Variants in MICU2 observed in about 807,000 individuals in gnomAD.
MICU2 encodes calcium uptake protein 2, mitochondrial.
A neutral mutation model predicts 60.4 loss-of-function variants in MICU2; 64 were observed. That is an observed-to-expected ratio of 1.06 (90% CI 0.87 to 1.31). The LOEUF (loss-of-function observed/expected upper bound fraction) is 1.31. Among genes scored for constraint, MICU2 ranks in the 50% most tolerant of loss-of-function variants. The pLI, the probability that MICU2 is intolerant of heterozygous loss-of-function variation, is 0.00. For synonymous variants in MICU2, 201 were observed against 175.0 expected, an observed-to-expected ratio of 1.15 and a Z score of -1.17; for missense variants, 569 against 531.0, an observed-to-expected ratio of 1.07 and a Z score of -0.70.
intron 1 of MICU2, chr13:21,603,716 G>C: frequency 1.7e-6 from 1 of 573,392 alleles, no homozygotes; most frequent in South Asian, 2.1e-5. Context: ...TCTCCCAAGG[G>C]AGGCAGAATC....
At chr13:21,498,872 A>G (rs116173757) in intron 9 of MICU2, among the ~76,000 whole-genome samples, 1,681 of 152,132 alleles carry the variant, frequency 0.011, 30 homozygotes, top group African/African-American at 0.039. Context: ...GGCTGCTTCT[A>G]TCATGACCTC....
intron 2 of MICU2, among the ~76,000 whole-genome samples, chr13:21,548,833 A>G (rs1040455844): frequency 6.7e-6 from 1 of 149,496 alleles, no homozygotes; most frequent in Non-Finnish European, 1.5e-5. Flanking sequence ...AGAAGGTGGG[A>G]GGGTTATACA....
intron 9 of MICU2, 80 bp downstream of exon 9, chr13:21,502,846 A>G (rs574636830): frequency 2.9e-5 from 39 of 1,338,852 alleles, no homozygotes; most frequent in Non-Finnish European, 3.9e-5. Context: ...AGTCTTGGTT[A>G]ATTCAGAAGT....
At chr13:21,591,302 AG>A (rs756973258) in intron 1 of MICU2, among the ~76,000 whole-genome samples, 13 of 152,346 alleles carry the variant, frequency 8.5e-5, no homozygotes, top group Non-Finnish European at 1.5e-4. Context: ...ATAATGGTCA[AG>A]GGAACAATTC....
intron 10 of MICU2, 102 bp from the exon 11 acceptor site, chr13:21,495,420 T>G: frequency 1.6e-6 from 2 of 1,231,204 alleles, no homozygotes; most frequent in Non-Finnish European, 2.2e-6. Context: ...ATCCAAATTT[T>G]TATTATTTGG....
In MICU2 at chr13:21,544,219, A is replaced by AG. The variant is rs550307913; in HGVS notation, c.359-4532_359-4531insC. Reference sequence around the variant, plus strand: ...CAAACTACAAAACCACTTTAAGAAAACAGGTGAAATACTTCAGGACATTGG... The same window carrying AG: ...CAAACTACAAAACCACTTTAAGAAAAGCAGGTGAAATACTTCAGGACATTGG... On this transcript the variant is annotated intron_variant, in intron 2 of 11. Coordinates refer to ENST00000382374, the MANE Select transcript of MICU2 (RefSeq NM_152726.3). Among the ~76,000 whole-genome samples the AG allele has an allele frequency of 3.5e-4, 53 of 152,302 alleles. 1 individual carries two copies. In the South Asian group the frequency reaches 0.011, roughly 31 times the overall value.
intron 2 of MICU2, among the ~76,000 whole-genome samples, chr13:21,550,855 T>C (rs894274661): frequency 5.9e-5 from 9 of 152,228 alleles, no homozygotes; most frequent in African/African-American, 2.2e-4. Context: ...TAATAGCTTA[T>C]ATAACTTTGC....
chr13:21,567,315 G>A lies in MICU2; in HGVS notation c.211-371C>T, dbSNP rs893345449. 4.6e-5 allele frequency among the ~76,000 whole-genome samples: 7 copies of A among 152,144 alleles called. No homozygotes were observed. The South Asian group carries it at 8.3e-4, about 18-fold the overall frequency. On this transcript the variant is annotated intron_variant, in intron 1 of 11. Transcript: ENST00000382374. ...GAGGTAACACTTAGAGAGATTAAAC[G>A]AGGTGGAGTTAGTGTGTCCTGGGGT...
intron 1 of MICU2, among the ~76,000 whole-genome samples, chr13:21,574,654 C>T (rs548689764): frequency 6.6e-6 from 1 of 152,302 alleles, no homozygotes; most frequent in South Asian, 2.1e-4. Flanking sequence ...AAAGAAAGGG[C>T]CTTCCCTATA....
intron 1 of MICU2, chr13:21,603,537 G>A (rs1566175394): frequency 4.4e-6 from 1 of 228,288 alleles, no homozygotes; most frequent in Non-Finnish European, 8.5e-6. Context: ...GTAACTGGAC[G>A]CAAACCACCT....
At position 21,523,238 on chromosome 13, in the gene MICU2, T is replaced by C. The variant is rs532027182; in HGVS notation, c.467-588A>G. On this transcript the variant is annotated intron_variant, in intron 4 of 11. Coordinates refer to ENST00000382374, the MANE Select transcript of MICU2 (RefSeq NM_152726.3). ...TCATGGGACTTCTGTACCTCCATAA[T>C]TGCATGAGCCAATTCTTCACAGCCA... Among the ~76,000 whole-genome samples the C allele has an allele frequency of 6.6e-5, 10 of 152,298 alleles. No individual in the cohort carries two copies. The East Asian group carries it at 1.5e-3, about 24-fold the overall frequency.
intron 1 of MICU2, 166 bp downstream of exon 1, chr13:21,603,773 G>T: frequency 1.4e-6 from 1 of 733,196 alleles, no homozygotes; most frequent in Non-Finnish European, 2.2e-6. Context: ...GCCGGGGGCC[G>T]GTCCAGGAAG....
intron 7 of MICU2, among the ~76,000 whole-genome samples, chr13:21,514,056 C>A (rs1032633728): frequency 1.3e-5 from 2 of 152,110 alleles, no homozygotes; most frequent in Non-Finnish European, 2.9e-5. Context: ...AAAATACAGT[C>A]ATGTATTGCT....
chr13:21,514,314 A>C (rs370193642), intron 7 of MICU2, 39 bp downstream of exon 7: 7 of 1,493,184 alleles, frequency 4.7e-6, no homozygotes, highest in African/African-American at 1.4e-5. Flanking sequence ...TAGAGTAGCT[A>C]TTATAAATAT....
chr13:21,530,151 C>T (rs890595168), intron 4 of MICU2, among the ~76,000 whole-genome samples: 1 of 152,326 alleles, frequency 6.6e-6, no homozygotes, highest in South Asian at 2.1e-4. Context: ...GTCCTGATTT[C>T]CCTGCCAGTC....
chr13:21,529,898 A>T (rs1211450317), intron 4 of MICU2, among the ~76,000 whole-genome samples: 1 of 152,156 alleles, frequency 6.6e-6, no homozygotes. Flanking sequence ...GGAGGGATGG[A>T]GAAGGGGAAG....
chr13:21,560,623 A>AACACAC (rs67873561), intron 2 of MICU2, among the ~76,000 whole-genome samples: 1 of 135,002 alleles, frequency 7.4e-6, no homozygotes, highest in African/African-American at 2.5e-5. Flanking sequence ...CTTGTCAAAA[A>AACACAC]ACACACACAC....
At chr13:21,567,072 T>A in intron 1 of MICU2, 128 bp from the exon 2 acceptor site, 1 of 723,790 alleles carries the variant, frequency 1.4e-6, no homozygotes, top group Non-Finnish European at 2.2e-6. Flanking sequence ...ATCATTCATT[T>A]AACAAATATT....
chr13:21,505,645 G>A (rs921479970), intron 8 of MICU2, among the ~76,000 whole-genome samples: 16 of 152,008 alleles, frequency 1.1e-4, no homozygotes, highest in African/African-American at 3.4e-4. Flanking sequence ...CTTTTGATCC[G>A]TGGTAGTATC....
Sources: allele counts gnomAD v4.1 joint callset (sites outside exome capture counted in the v4.1 genomes callset), GRCh38; gene constraint gnomAD v4.1.1; transcripts MANE v1.5; gene names NCBI Gene and HGNC (gene_info 2026-07-23, HGNC 2026-07-21).